MAN1A2: variants seen among roughly 807,000 people sequenced by gnomAD.
MAN1A2 encodes mannosidase alpha class 1A member 2, also known as mannosyl-oligosaccharide 1,2-alpha-mannosidase IB.
A neutral mutation model predicts 75.7 loss-of-function variants in MAN1A2; 26 were observed. The observed-to-expected ratio is 0.34, with a 90% CI of 0.25 to 0.48. MAN1A2 has a LOEUF of 0.48. Ranked by LOEUF, MAN1A2 falls within the 20% of genes least tolerant of loss-of-function variation. The pLI, the probability that MAN1A2 is intolerant of heterozygous loss-of-function variation, is 0.99. For synonymous variants in MAN1A2, 247 were observed against 264.6 expected, an observed-to-expected ratio of 0.93 and a Z score of 0.65; for missense variants, 562 against 775.5, an observed-to-expected ratio of 0.72 and a Z score of 3.27.
chr1:117,455,829 A>G (rs1649565135), intron 6 of MAN1A2, among the ~76,000 whole-genome samples: 1 of 151,986 alleles, frequency 6.6e-6, no homozygotes, highest in African/African-American at 2.4e-5. Context: ...GTGCCATTTA[A>G]ATTTTAAATC....
At chr1:117,439,879 A>G (rs1648973889) in intron 5 of MAN1A2, among the ~76,000 whole-genome samples, 1 of 152,234 alleles carries the variant, frequency 6.6e-6, no homozygotes. Context: ...GTAGAAGTAT[A>G]AATTAGTAAA....
Position 117,401,069 on chromosome 1 carries a change from A to G in MAN1A2, c.303-1117A>G, listed in dbSNP as rs1020031695. On this transcript the variant is annotated intron_variant, in intron 1 of 12. Transcript: ENST00000356554. ...TACCACCATTCTACTTTTTGTCTCT[A>G]GGGTTTTGCCTTCTTTAAGTACCTT... 2.1e-4 allele frequency among the ~76,000 whole-genome samples: 32 copies of G among 151,292 alleles called. 1 individual carries two copies. The highest frequency in any genetic ancestry group is 7.3e-4 in the African/African-American group (30 of 41,124).
At chr1:117,413,877 T>C (rs1485596045) in intron 3 of MAN1A2, among the ~76,000 whole-genome samples, 1 of 151,998 alleles carries the variant, frequency 6.6e-6, no homozygotes, top group Non-Finnish European at 1.5e-5. Flanking sequence ...GATTTTTTAC[T>C]CTACTAGTAG....
chr1:117,418,263 G>A (rs954469318), intron 4 of MAN1A2, among the ~76,000 whole-genome samples: 1 of 152,110 alleles, frequency 6.6e-6, no homozygotes, highest in Non-Finnish European at 1.5e-5. Context: ...TTGTGTTTGT[G>A]TTCTAGTGTC....
intron 1 of MAN1A2, among the ~76,000 whole-genome samples, chr1:117,381,410 C>G (rs577923312): frequency 1.3e-5 from 2 of 152,070 alleles, no homozygotes; most frequent in Non-Finnish European, 2.9e-5. Flanking sequence ...TGTTCAATTG[C>G]CATCTATGAG....
chr1:117,507,423 A>G (rs1186014373), intron 12 of MAN1A2, among the ~76,000 whole-genome samples: 1 of 151,708 alleles, frequency 6.6e-6, no homozygotes, highest in African/African-American at 2.4e-5. Context: ...ATCCACTTCC[A>G]ATCCTCTTTC....
Position 117,368,180 on chromosome 1 carries a change from A to G in MAN1A2, c.-4A>G. On this transcript the variant is annotated 5_prime_UTR_variant, in exon 1 of 13. Coordinates refer to ENST00000356554, the MANE Select transcript of MAN1A2 (RefSeq NM_006699.5). ...CTAAAGTATTCTCTCCAAGAGCGTA[A>G]ACGATGACTACCCCAGCCCTGCTGC... 1 of 1,605,810 alleles carries G rather than the reference A, an allele frequency of 6.2e-7. No homozygotes were observed. The highest frequency in any genetic ancestry group is 8.5e-7 in the Non-Finnish European group (1 of 1,177,284).
intron 2 of MAN1A2, 22 bp downstream of exon 2, chr1:117,402,463 T>A: frequency 6.4e-7 from 1 of 1,567,986 alleles, no homozygotes; most frequent in Non-Finnish European, 8.6e-7. Flanking sequence ...AGTTTTGTGA[T>A]ATGGAGTGTT....
chr1:117,463,166 G>A (rs1054603295), intron 7 of MAN1A2, among the ~76,000 whole-genome samples: 2 of 150,872 alleles, frequency 1.3e-5, no homozygotes, highest in African/African-American at 4.9e-5. Flanking sequence ...ATTAAAGACA[G>A]TACAAATTCA....
intron 4 of MAN1A2, among the ~76,000 whole-genome samples, chr1:117,417,043 A>C (rs1483636216): frequency 2.6e-5 from 4 of 152,174 alleles, no homozygotes; most frequent in Non-Finnish European, 5.9e-5. Flanking sequence ...TTCTTCCTCC[A>C]GTCTTGTATT....
At chr1:117,450,317 C>T (rs1236421559) in intron 6 of MAN1A2, among the ~76,000 whole-genome samples, 1 of 152,132 alleles carries the variant, frequency 6.6e-6, no homozygotes, top group Non-Finnish European at 1.5e-5. Flanking sequence ...TCTAGGGTAT[C>T]TGGTGGAAGA....
At chr1:117,428,324 A>C (rs1178275508) in intron 5 of MAN1A2, among the ~76,000 whole-genome samples, 6 of 151,988 alleles carry the variant, frequency 3.9e-5, no homozygotes, top group Admixed American at 3.9e-4. Flanking sequence ...CATGTTGCCC[A>C]GGCTGGTCTT....
intron 1 of MAN1A2, among the ~76,000 whole-genome samples, chr1:117,378,081 G>A (rs1467788143): frequency 2.6e-5 from 4 of 152,240 alleles, no homozygotes; most frequent in Non-Finnish European, 4.4e-5. Context: ...CAGCCTGGGC[G>A]ACGGAGTGAG....
chr1:117,509,131 C>CA (rs34388806), intron 12 of MAN1A2, among the ~76,000 whole-genome samples: 5 of 150,050 alleles, frequency 3.3e-5, no homozygotes, highest in Non-Finnish European at 5.9e-5. Flanking sequence ...AACATCTGTA[C>CA]AAAAAAAAGA....
intron 1 of MAN1A2, among the ~76,000 whole-genome samples, chr1:117,372,204 G>A (rs1652985835): frequency 6.6e-6 from 1 of 152,144 alleles, no homozygotes; most frequent in African/African-American, 2.4e-5. Flanking sequence ...CAAGTTAAGA[G>A]GGGCTGGGTC....
Position 117,466,410 on chromosome 1 carries a change from C to T in MAN1A2, c.1151C>T (p.Thr384Ile). 1 of 1,609,294 alleles carries T rather than the reference C, an allele frequency of 6.2e-7. No individual in the cohort carries two copies. The highest frequency in any genetic ancestry group is 8.5e-7 in the Non-Finnish European group (1 of 1,177,068). The stretch of plus-strand genomic sequence containing the variant: ...TATCCAAATTATTTGAACCCCAGAA[C>T]AGGGCGCTGGGGTCAGTGTAAGTAT... Reference protein sequence around the residue: ...GLYPNYLNPRTGRWGQYHTSV... With the variant: ...GLYPNYLNPRIGRWGQYHTSV... The change falls in exon 8 of 13, where the codon ACA (threonine) becomes ATA (isoleucine). Residue 384 changes from threonine (T) to isoleucine (I), a missense_variant. Around this residue, in one of 2 missense-constraint regions of MAN1A2, gnomAD observed 434 missense variants for 645.7 expected, o/e 0.67. Coordinates refer to ENST00000356554, the MANE Select transcript of MAN1A2 (RefSeq NM_006699.5).
At chr1:117,453,476 A>T (rs572799323) in intron 6 of MAN1A2, among the ~76,000 whole-genome samples, 1 of 152,200 alleles carries the variant, frequency 6.6e-6, no homozygotes, top group Admixed American at 6.5e-5. Context: ...GAAGGGTTCA[A>T]ACTCAAGTGG....
At chr1:117,521,557 A>G (rs1169501274) in intron 12 of MAN1A2, among the ~76,000 whole-genome samples, 1 of 152,030 alleles carries the variant, frequency 6.6e-6, no homozygotes, top group Non-Finnish European at 1.5e-5. Context: ...TGATCAGGGA[A>G]CACTTCTGCA....
At chr1:117,405,486 A>G (rs888489770) in intron 2 of MAN1A2, 63 bp from the exon 3 acceptor site, 66 of 992,470 alleles carry the variant, frequency 6.7e-5, no homozygotes, top group Admixed American at 3.1e-4. Context: ...CCAAAATTGT[A>G]TGAAATAAAA....
Sources: allele counts gnomAD v4.1 joint callset (sites outside exome capture counted in the v4.1 genomes callset), GRCh38; gene constraint gnomAD v4.1.1; regional missense constraint gnomAD v4.1.1; transcripts MANE v1.5; gene names NCBI Gene and HGNC (gene_info 2026-07-23, HGNC 2026-07-21).